LMBR1: variants seen among roughly 807,000 people sequenced by gnomAD.
LMBR1 encodes the protein limb development membrane protein 1, also known as limb region 1 protein homolog.
In LMBR1, 52 loss-of-function variants were observed where a neutral mutation model predicts 73.9. The ratio of observed to expected loss-of-function variants is 0.70; its 90% CI spans 0.56 to 0.89. The LOEUF is 0.89. LMBR1 is among the 40% of genes least tolerant of loss of function. The probability of loss-of-function intolerance (pLI) is 0.00; values close to 1 mark genes in which losing one functional copy is unlikely to be tolerated. For missense variants in LMBR1, 539 were observed against 579.8 expected (o/e 0.93, Z 0.72); for synonymous variants, 215 against 209.4 (o/e 1.03, Z -0.23).
intron 9 of LMBR1, among the ~76,000 whole-genome samples, chr7:156,742,184 T>TA (rs1194498641): frequency 6.6e-6 from 1 of 151,650 alleles, no homozygotes; most frequent in Non-Finnish European, 1.5e-5. Flanking sequence ...GGTGTCTATA[T>TA]AAAAAAAGAG....
At chr7:156,782,924 A>G (rs573311065) in intron 5 of LMBR1, among the ~76,000 whole-genome samples, 15 of 152,192 alleles carry the variant, frequency 9.9e-5, no homozygotes, top group African/African-American at 3.6e-4. Context: ...CCATTTGTGT[A>G]TCTTCTTTGG....
At chr7:156,796,300 A>T in intron 5 of LMBR1, 89 bp downstream of exon 5, 8 of 794,858 alleles carry the variant, frequency 1.0e-5, no homozygotes, top group Non-Finnish European at 1.6e-5. Context: ...ATTCCATTTA[A>T]ATAATTTAAG....
intron 3 of LMBR1, among the ~76,000 whole-genome samples, chr7:156,832,532 T>C (rs762265431): frequency 1.3e-5 from 2 of 152,234 alleles, no homozygotes; most frequent in African/African-American, 2.4e-5. Flanking sequence ...TTCTTATAGA[T>C]GGAATTGCAC....
At chr7:156,701,413 TATG>T (rs1437441020) in intron 15 of LMBR1, among the ~76,000 whole-genome samples, 1 of 152,174 alleles carries the variant, frequency 6.6e-6, no homozygotes, top group East Asian at 1.9e-4. Context: ...GCATCTTAAA[TATG>T]ATGAGTAGAA....
intron 1 of LMBR1, among the ~76,000 whole-genome samples, chr7:156,843,758 C>A (rs1309222597): frequency 6.6e-6 from 1 of 150,714 alleles, no homozygotes; most frequent in Non-Finnish European, 1.5e-5. Context: ...ATAGCTTGAA[C>A]CTGGGAGATG....
At chr7:156,769,948 A>C (rs188884499) in intron 5 of LMBR1, among the ~76,000 whole-genome samples, 2 of 152,326 alleles carry the variant, frequency 1.3e-5, no homozygotes, top group South Asian at 2.1e-4. Flanking sequence ...TGGCACACCC[A>C]GAAAGAAAAC....
intron 4 of LMBR1, chr7:156,823,486 T>C (rs1000801974): frequency 1.3e-5 from 2 of 152,320 alleles, no homozygotes; most frequent in East Asian, 1.9e-4. Flanking sequence ...ATCCTCTAGA[T>C]GCTCAACAAC....
chr7:156,705,149 C>T (rs1381607014), intron 15 of LMBR1, among the ~76,000 whole-genome samples: 2 of 152,002 alleles, frequency 1.3e-5, no homozygotes, highest in African/African-American at 2.4e-5. Context: ...ATCAGATTGT[C>T]GAAAGTCAAA....
chr7:156,846,342 C>T (rs1452562538), intron 1 of LMBR1, among the ~76,000 whole-genome samples: 5 of 143,468 alleles, frequency 3.5e-5, no homozygotes, highest in African/African-American at 1.3e-4. Flanking sequence ...ATAAATCATG[C>T]CATAATCATG....
intron 5 of LMBR1, among the ~76,000 whole-genome samples, chr7:156,778,790 C>A (rs755891651): frequency 2.0e-5 from 3 of 152,196 alleles, no homozygotes; most frequent in African/African-American, 4.8e-5. Flanking sequence ...GCCATTCTGA[C>A]TACAAAGTAA....
At chr7:156,877,255 G>A (rs1189536828) in intron 1 of LMBR1, among the ~76,000 whole-genome samples, 1 of 151,592 alleles carries the variant, frequency 6.6e-6, no homozygotes, top group Non-Finnish European at 1.5e-5. Flanking sequence ...AGATTAAAAT[G>A]GTAATTTTAA....
At chr7:156,749,552 ATGTCT>A in intron 9 of LMBR1, among the ~76,000 whole-genome samples, 1 of 152,186 alleles carries the variant, frequency 6.6e-6, no homozygotes, top group African/African-American at 2.4e-5. Flanking sequence ...TGTATAAGAC[ATGTCT>A]TGTTTTTTTT....
intron 5 of LMBR1, among the ~76,000 whole-genome samples, chr7:156,786,229 AGAAGGAGGAAGGAG>A (rs368105259): frequency 3.7e-4 from 51 of 138,714 alleles, no homozygotes; most frequent in African/African-American, 1.0e-3. Context: ...GGAAGGGAAG[AGAAGGAGGAAGGAG>A]GAAGGAGGAA....
chr7:156,843,586 C>T (rs2133993848), intron 1 of LMBR1, among the ~76,000 whole-genome samples: 1 of 152,280 alleles, frequency 6.6e-6, no homozygotes, highest in East Asian at 1.9e-4. Context: ...TGGCTCCCGT[C>T]TGTAATTCCA....
intron 4 of LMBR1, among the ~76,000 whole-genome samples, chr7:156,800,167 A>C (rs991020054): frequency 6.6e-6 from 1 of 152,236 alleles, no homozygotes; most frequent in African/African-American, 2.4e-5. Context: ...CAGATTTTCA[A>C]GGTAGACAAA....
intron 3 of LMBR1, among the ~76,000 whole-genome samples, chr7:156,827,327 T>C (rs1242994014): frequency 1.3e-5 from 2 of 152,070 alleles, no homozygotes; most frequent in Non-Finnish European, 2.9e-5. Flanking sequence ...TACTTTGTCA[T>C]AAAAAAGATA....
chr7:156,818,548 T>C (rs1000105025), intron 4 of LMBR1, among the ~76,000 whole-genome samples: 2 of 152,210 alleles, frequency 1.3e-5, no homozygotes, highest in African/African-American at 2.4e-5. Flanking sequence ...CAAATTTTTA[T>C]TGTTATTTAG....
intron 11 of LMBR1, 55 bp from the exon 12 acceptor site, chr7:156,728,062 A>AT (rs1416735454): frequency 5.1e-6 from 7 of 1,384,052 alleles, no homozygotes; most frequent in Non-Finnish European, 7.1e-6. Context: ...AATACAAAAT[A>AT]TTAAAATCTA....
At chr7:156,675,686 T>G (rs760623812), downstream of LMBR1, 234 of 1,219,512 alleles carry the variant, frequency 1.9e-4, no homozygotes, top group Non-Finnish European at 2.6e-4. Flanking sequence ...CGCCCCCGCC[T>G]CCTCCTCAGT....
Sources: gnomAD v4.1 joint callset for allele counts (sites outside exome capture counted in the v4.1 genomes callset) on GRCh38, gnomAD v4.1.1 for gene constraint, MANE v1.5 for transcripts, NCBI Gene and HGNC (gene_info 2026-07-23, HGNC 2026-07-21) for gene names.